The following RBM26 variants were observed in gnomAD, a reference collection of about 807,000 sequenced individuals.
RBM26 encodes the protein RNA-binding protein 26.
Under a neutral mutation model 123.6 loss-of-function variants are expected in RBM26, and 30 were observed. The observed-to-expected ratio is 0.24, with a 90% CI of 0.18 to 0.33. The LOEUF is 0.33. Among genes scored for constraint, RBM26 ranks in the 10% least tolerant of loss-of-function variants. The pLI is 1.00. For synonymous variants in RBM26, 400 were observed against 404.4 expected (o/e 0.99, Z 0.13); for missense variants, 947 against 1,203.6 (o/e 0.79, Z 3.15).
At chr13:79,320,759 A>G in intron 21 of RBM26, 49 bp from the exon 22 acceptor site, 1 of 1,422,352 alleles carries the variant, frequency 7.0e-7, no homozygotes, top group Non-Finnish European at 9.4e-7. Context: ...AAAAAAAAGA[A>G]AAGAAAAAAA....
At chr13:79,367,166 G>A (rs190393803) in intron 6 of RBM26, among the ~76,000 whole-genome samples, 1 of 151,988 alleles carries the variant, frequency 6.6e-6, no homozygotes, top group African/African-American at 2.4e-5. Context: ...CAGCACTTTG[G>A]GAGGCTGAGG....
In RBM26 at chr13:79,366,175, G is replaced by A. The variant is rs750001883; in HGVS notation, c.1156C>T (p.Pro386Ser). ...PVTGPPPPLP[P>S]LQPSGMDAPP... ...GCATCCATGCCAGATGGCTGCAAAGGAGGAAGTGGAGGTGGTGGTCCTGTC... is the reference window on the plus strand; with the variant it reads ...GCATCCATGCCAGATGGCTGCAAAGAAGGAAGTGGAGGTGGTGGTCCTGTC... The change falls in exon 8 of 22, where the codon CCT (proline) becomes TCT (serine). Residue 386 changes from proline (P) to serine (S), a missense_variant. Around this residue, in one of 5 missense-constraint regions of RBM26, gnomAD observed 493 missense variants for 563.1 expected, o/e 0.88. Transcript: ENST00000438737. The A allele has an allele frequency of 6.2e-7, 1 of 1,613,444 alleles. No individual in the cohort carries two copies. The highest frequency in any genetic ancestry group is 1.1e-5 in the South Asian group (1 of 90,952).
intron 3 of RBM26, among the ~76,000 whole-genome samples, chr13:79,372,942 T>C (rs1289229843): frequency 1.8e-5 from 1 of 55,824 alleles, no homozygotes; most frequent in Non-Finnish European, 3.0e-5. Flanking sequence ...AGATATATCT[T>C]ATATATTACA....
intron 3 of RBM26, 109 bp downstream of exon 3, chr13:79,377,270 G>A: frequency 3.7e-6 from 3 of 815,532 alleles, no homozygotes; most frequent in Non-Finnish European, 5.9e-6. Flanking sequence ...CATTTAAACT[G>A]GGAGTGGTCC....
At position 79,355,817 on chromosome 13, in the gene RBM26, G is replaced by T. The variant is rs1380675184; in HGVS notation, c.1690-433C>A. On this transcript the variant is annotated intron_variant, in intron 11 of 21. Coordinates refer to ENST00000438737, the MANE Select transcript of RBM26 (RefSeq NM_001366735.2). ...TCCATCTGAACAATTGCCCAAATTT[G>T]TAATTCTCACATTTCCAAAAGCACA... Among the ~76,000 whole-genome samples, 5 of 151,114 alleles carry T rather than the reference G, an allele frequency of 3.3e-5. 1 individual carries two copies. Among genetic ancestry groups the T allele is most frequent in the African/African-American group, 4.9e-5 (2 of 40,928 alleles).
chr13:79,378,024 C>T (rs139135445), intron 2 of RBM26, among the ~76,000 whole-genome samples: 44 of 152,330 alleles, frequency 2.9e-4, no homozygotes, highest in Non-Finnish European at 5.6e-4. Flanking sequence ...CTGATTCATG[C>T]TATTTTCAAG....
intron 20 of RBM26, among the ~76,000 whole-genome samples, chr13:79,326,374 G>A (rs2068415288): frequency 6.6e-6 from 1 of 152,114 alleles, no homozygotes; most frequent in Admixed American, 6.5e-5. Context: ...GGAACACCAT[G>A]TTTAAATGTG....
intron 20 of RBM26, among the ~76,000 whole-genome samples, chr13:79,324,282 AT>A (rs1434614818): frequency 6.6e-6 from 1 of 151,880 alleles, no homozygotes; most frequent in African/African-American, 2.4e-5. Flanking sequence ...TGGTTAAATT[AT>A]TAACCCAATT....
chr13:79,365,100 A>G (rs2075120245), intron 9 of RBM26, among the ~76,000 whole-genome samples: 1 of 152,304 alleles, frequency 6.6e-6, no homozygotes, highest in Non-Finnish European at 1.5e-5. Flanking sequence ...ACAGAATTAC[A>G]CAGTATATTT....
downstream of RBM26, among the ~76,000 whole-genome samples, chr13:79,318,217 A>G (rs1593843053): frequency 6.6e-6 from 1 of 151,002 alleles, no homozygotes; most frequent in East Asian, 1.9e-4. Context: ...GTTCCACTCC[A>G]TCAATAATTA....
At chr13:79,330,023 A>G (rs2069048971) in intron 20 of RBM26, among the ~76,000 whole-genome samples, 1 of 152,188 alleles carries the variant, frequency 6.6e-6, no homozygotes, top group Non-Finnish European at 1.5e-5. Context: ...GGAGTGGGCA[A>G]GTTGTAGCGA....
At chr13:79,387,492 T>C (rs931403210) in intron 1 of RBM26, among the ~76,000 whole-genome samples, 1 of 152,126 alleles carries the variant, frequency 6.6e-6, no homozygotes, top group Non-Finnish European at 1.5e-5. Flanking sequence ...CTGGTGTTAT[T>C]TCTGCTTTAT....
chr13:79,354,655 C>G, intron 12 of RBM26, 85 bp from the exon 13 acceptor site: 1 of 1,252,696 alleles, frequency 8.0e-7, no homozygotes, highest in Admixed American at 2.9e-5. Context: ...CTACATTGCC[C>G]ATGCAGAGAA....
intron 9 of RBM26, among the ~76,000 whole-genome samples, chr13:79,364,538 C>T (rs1163522061): frequency 6.6e-6 from 1 of 152,060 alleles, no homozygotes; most frequent in Non-Finnish European, 1.5e-5. Flanking sequence ...TTTTGTTAGC[C>T]CAGGAAATAT....
intron 1 of RBM26, among the ~76,000 whole-genome samples, chr13:79,398,870 C>T (rs1002112740): frequency 2.0e-5 from 3 of 152,108 alleles, no homozygotes; most frequent in African/African-American, 7.2e-5. Flanking sequence ...TGCCTCTTCC[C>T]TTGGTTTTAG....
At chr13:79,316,973 T>C (rs550898029), downstream of RBM26, among the ~76,000 whole-genome samples, 170 of 151,764 alleles carry the variant, frequency 1.1e-3, no homozygotes, top group Middle Eastern at 3.4e-3. Context: ...AGGTAGCATA[T>C]TGGTTTGTTT....
chr13:79,345,205 C>T (rs923293729), intron 14 of RBM26, among the ~76,000 whole-genome samples: 4 of 152,020 alleles, frequency 2.6e-5, no homozygotes, highest in Non-Finnish European at 4.4e-5. Flanking sequence ...CAATCATTTG[C>T]AACTTCCAGT....
At chr13:79,371,990 C>T in intron 3 of RBM26, 60 bp from the exon 4 acceptor site, 3 of 1,192,308 alleles carry the variant, frequency 2.5e-6, no homozygotes, top group Non-Finnish European at 2.4e-6. Context: ...GTTAAATAGC[C>T]TTAGATAGGG....
At chr13:79,323,391 A>T (rs2067934521) in intron 20 of RBM26, among the ~76,000 whole-genome samples, 1 of 151,588 alleles carries the variant, frequency 6.6e-6, no homozygotes. Context: ...TGCACATATA[A>T]ATTTATGATA....
Sources: gnomAD v4.1 joint callset for allele counts (sites outside exome capture counted in the v4.1 genomes callset) on GRCh38, gnomAD v4.1.1 for gene constraint, gnomAD v4.1.1 regional missense constraint, MANE v1.5 for transcripts, NCBI Gene and HGNC (gene_info 2026-07-23, HGNC 2026-07-21) for gene names.